Variants in ZKSCAN8 observed in about 807,000 individuals in gnomAD.
ZKSCAN8 encodes the protein zinc finger with KRAB and SCAN domains 8, also known as zinc finger protein with KRAB and SCAN domains 8.
In ZKSCAN8, 27 loss-of-function variants were observed where a neutral mutation model predicts 57.2. That is an observed-to-expected ratio of 0.47 (90% CI 0.35 to 0.65). The LOEUF is 0.65. ZKSCAN8 is among the 30% of genes least tolerant of loss of function. ZKSCAN8 has a pLI of 0.01. For missense variants in ZKSCAN8, 597 were observed against 696.3 expected (o/e 0.86, Z 1.60); for synonymous variants, 214 against 248.7 (o/e 0.86, Z 1.31).
At chr6:28,151,964 G>T in intron 4 of ZKSCAN8, 28 bp downstream of exon 4, 1 of 1,606,266 alleles carries the variant, frequency 6.2e-7, no homozygotes, top group Non-Finnish European at 8.5e-7. Context: ...TCACTGAAAC[G>T]CCATAGCTGT....
Position 28,158,102 on chromosome 6 carries a change from T to C in ZKSCAN8, c.*4085T>C, listed in dbSNP as rs1240369727. The C allele has an allele frequency of 3.3e-5, 5 of 152,190 alleles. No homozygotes were observed. Among genetic ancestry groups the C allele is most frequent in the Non-Finnish European group, 7.3e-5 (5 of 68,030 alleles). 9.4% of individuals were successfully genotyped at this position (152,190 alleles called of 1,614,324 possible). A position where few individuals can be genotyped will look rare whatever the true frequency, so the allele number is the denominator to read the frequency against. On this transcript the variant is annotated 3_prime_UTR_variant, in exon 6 of 6. Coordinates refer to ENST00000330236, the MANE Select transcript of ZKSCAN8 (RefSeq NM_006298.4). Reference sequence around the variant, plus strand: ...GTTCTTAGACTCACCAGTGGACAAATAATAAGGCCTTTTTTTATTATTATT... The same window carrying C: ...GTTCTTAGACTCACCAGTGGACAAACAATAAGGCCTTTTTTTATTATTATT...
rs1581528398 is a variant in ZKSCAN8, at chr6:28,153,288, C to T, written c.1008C>T (p.Gly336=). 1 of 1,614,162 alleles carries T rather than the reference C, an allele frequency of 6.2e-7. No individual in the cohort carries two copies. Among genetic ancestry groups the T allele is most frequent in the Non-Finnish European group, 8.5e-7 (1 of 1,180,030 alleles). ...ECGKSFAQSS[G]LVRHWRIHTG... is the part of the protein sequence containing the mutation. Reference sequence around the variant, plus strand: ...GGAAAAGCTTTGCTCAGAGCTCAGGCCTTGTTCGCCACTGGAGAATCCACA... The same window carrying T: ...GGAAAAGCTTTGCTCAGAGCTCAGGTCTTGTTCGCCACTGGAGAATCCACA... Residue 336 remains glycine (G), a synonymous_variant, in exon 6 of 6, where the codon GGC becomes GGT. Coordinates refer to ENST00000330236, the MANE Select transcript of ZKSCAN8 (RefSeq NM_006298.4).
rs749183992 is a variant in ZKSCAN8, at chr6:28,148,499, A to G, written c.92A>G (p.His31Arg). The G allele has an allele frequency of 2.5e-6, 4 of 1,614,052 alleles. 1 individual carries two copies. The South Asian group carries it at 3.3e-5, about 13-fold the overall frequency. ...DLVIVKVEED[H>R]GWDQESSLHE... is the part of the protein sequence containing the mutation. ...GTAATCGTCAAGGTAGAGGAGGATC[A>G]TGGTTGGGACCAGGAATCTAGTCTG... Residue 31 changes from histidine (H) to arginine (R), a missense_variant, in exon 2 of 6, where the codon CAT becomes CGT. Transcript: ENST00000330236.
intron 1 of ZKSCAN8, 91 bp downstream of exon 1, chr6:28,142,120 AG>A (rs1765235754): frequency 6.6e-6 from 1 of 152,286 alleles, no homozygotes; most frequent in African/African-American, 2.4e-5. Flanking sequence ...GGGTCCGGAG[AG>A]GGGCCTGTGC....
In ZKSCAN8 at chr6:28,154,217, A is replaced by G. The variant is rs1765707247; in HGVS notation, c.*200A>G. On this transcript the variant is annotated 3_prime_UTR_variant, in exon 6 of 6. Coordinates refer to ENST00000330236, the MANE Select transcript of ZKSCAN8 (RefSeq NM_006298.4). ...AGGTTGATTAGCTTGACTGTCTTTG[A>G]AAGTATCTGATGGAGCTCCTGATGA... The G allele has an allele frequency of 3.1e-6, 2 of 646,806 alleles. No individual in the cohort carries two copies. Among genetic ancestry groups the G allele is most frequent in the Non-Finnish European group, 5.0e-6 (2 of 403,006 alleles). The allele number at this position is 646,806 out of a possible 1,614,324, so 40.1% of individuals were successfully genotyped here. A position where few individuals can be genotyped will look rare whatever the true frequency, so the allele number is the denominator to read the frequency against.
Position 28,156,174 on chromosome 6 carries a change from TACACAC to T in ZKSCAN8, c.*2168_*2173del, listed in dbSNP as rs146825871. On this transcript the variant is annotated 3_prime_UTR_variant, in exon 6 of 6. Coordinates refer to ENST00000330236, the MANE Select transcript of ZKSCAN8 (RefSeq NM_006298.4). ...ATATGTGTATGTACACATGTGTATG[TACACAC>T]ACACACACACCTGCCATACACTTTA... 8.1e-6 allele frequency: 3 copies of T among 371,332 alleles called. No individual in the cohort carries two copies. Among genetic ancestry groups the T allele is most frequent in the Non-Finnish European group, 1.4e-5 (3 of 209,130 alleles). The allele number at this position is 371,332 out of a possible 1,614,324, so 23.0% of individuals were successfully genotyped here. A position where few individuals can be genotyped will look rare whatever the true frequency, so the allele number is the denominator to read the frequency against.
Position 28,153,081 on chromosome 6 carries a change from G to C in ZKSCAN8, c.801G>C (p.Arg267Ser). 1 of 1,614,064 alleles carries C rather than the reference G, an allele frequency of 6.2e-7. No individual in the cohort carries two copies. The highest frequency in any genetic ancestry group is 8.5e-7 in the Non-Finnish European group (1 of 1,180,006). ...GTGGTGAGACCAGGAGTGAGAACAG[G>C]GAATTAGCTTCAAAACAGGTAATAT... ...SLGGETRSEN[R>S]ELASKQVIST... is the part of the protein sequence containing the mutation. Residue 267 changes from arginine to serine, a missense_variant, in exon 6 of 6, where the codon AGG becomes AGC. Coordinates refer to ENST00000330236, the MANE Select transcript of ZKSCAN8 (RefSeq NM_006298.4).
At chr6:28,153,028 A>G (rs1033598910) in intron 5 of ZKSCAN8, 28 bp from the exon 6 acceptor site, 10 of 1,608,328 alleles carry the variant, frequency 6.2e-6, no homozygotes, top group African/African-American at 1.3e-5. Context: ...CATTGGCTTG[A>G]TGTTTGTTTA....
chr6:28,151,872 G>T lies in ZKSCAN8; in HGVS notation c.587G>T (p.Arg196Leu). The change falls in exon 4 of 6, where the codon CGT (arginine) becomes CTT (leucine). Residue 196 changes from arginine (R) to leucine (L), a missense_variant. Coordinates refer to ENST00000330236, the MANE Select transcript of ZKSCAN8 (RefSeq NM_006298.4). ...RAMSTSQSPT[R>L]SQKGSSGDQE... ...ATGTCTACTTCCCAGAGTCCTACTC[G>T]TTCCCAGAAAGGAAGTTCTGGAGAC... 3 of 1,614,106 alleles carry T rather than the reference G, an allele frequency of 1.9e-6. No individual in the cohort carries two copies. The highest frequency in any genetic ancestry group is 2.5e-6 in the Non-Finnish European group (3 of 1,180,016).
chr6:28,146,184 A>C (rs1248254598), intron 1 of ZKSCAN8, among the ~76,000 whole-genome samples: 1 of 152,224 alleles, frequency 6.6e-6, no homozygotes, highest in Non-Finnish European at 1.5e-5. Context: ...CTGTGTTTGC[A>C]ATTGTAAATA....
In ZKSCAN8 at chr6:28,158,481, T is replaced by G. The variant is rs1765859515; in HGVS notation, c.*4464T>G. The G allele has an allele frequency of 6.6e-6, 1 of 152,202 alleles. No individual in the cohort carries two copies. The highest frequency in any genetic ancestry group is 1.5e-5 in the Non-Finnish European group (1 of 68,030). The allele number at this position is 152,202 out of a possible 1,614,324, so 9.4% of individuals were successfully genotyped here. A position where few individuals can be genotyped will look rare whatever the true frequency, so the allele number is the denominator to read the frequency against. On this transcript the variant is annotated 3_prime_UTR_variant, in exon 6 of 6. Coordinates refer to ENST00000330236, the MANE Select transcript of ZKSCAN8 (RefSeq NM_006298.4). ...ATATCCCCAGCCCCCGTTTTCTTTT[T>G]AAACAGGCCTCATTGCGTAATTCCT...
chr6:28,157,164 T>C lies in ZKSCAN8; in HGVS notation c.*3147T>C, dbSNP rs1343827798. 1 of 152,424 alleles carries C rather than the reference T, an allele frequency of 6.6e-6. No homozygotes were observed. The highest frequency in any genetic ancestry group is 1.9e-4 in the East Asian group (1 of 5,204). The allele number at this position is 152,424 out of a possible 1,614,324, so 9.4% of individuals were successfully genotyped here. On this transcript the variant is annotated 3_prime_UTR_variant, in exon 6 of 6. Transcript: ENST00000330236. The stretch of plus-strand genomic sequence containing the variant: ...AGGCAAGGAGGAGCAAATCATGTCT[T>C]ATACATGGATGGCAGCAGGCAAAGA...
In ZKSCAN8 at chr6:28,143,424, C is replaced by T. The variant is rs149450259; in HGVS notation, c.-93+1395C>T. Among the ~76,000 whole-genome samples the T allele has an allele frequency of 1.3e-3, 204 of 152,246 alleles. 7 individuals carry two copies. In the South Asian group the frequency reaches 0.034, roughly 25 times the overall value. ...GTTTTCATCAGTGTTGTTATTGAGA[C>T]TTTTTAATACCACATCAACAATATA... On this transcript the variant is annotated intron_variant, in intron 1 of 5. Coordinates refer to ENST00000330236, the MANE Select transcript of ZKSCAN8 (RefSeq NM_006298.4).
In ZKSCAN8 at chr6:28,151,924, A is replaced by C; in HGVS notation, c.639A>C (p.Thr213=). ...GDQEMTATLL[T]AGFQTLEKIE... is the part of the protein sequence containing the mutation. ...AGGAAATGACAGCTACACTTCTCAC[A>C]GCAGGGTTCCAGGTGAGTTGTGCTC... Residue 213 remains threonine, a synonymous_variant, in exon 4 of 6, where the codon ACA becomes ACC. Transcript: ENST00000330236. 1 of 1,614,126 alleles carries C rather than the reference A, an allele frequency of 6.2e-7. No homozygotes were observed. The highest frequency in any genetic ancestry group is 8.5e-7 in the Non-Finnish European group (1 of 1,179,996).
intron 1 of ZKSCAN8, among the ~76,000 whole-genome samples, chr6:28,145,179 G>A (rs1167667985): frequency 6.6e-6 from 1 of 152,100 alleles, no homozygotes; most frequent in South Asian, 2.1e-4. Flanking sequence ...AGGATCCCTG[G>A]CCTCTATGTA....
Position 28,153,579 on chromosome 6 carries a change from C to T in ZKSCAN8, c.1299C>T (p.Pro433=), listed in dbSNP as rs529601335. 2.3e-5 allele frequency: 37 copies of T among 1,613,790 alleles called. No individual in the cohort carries two copies. The South Asian group carries it at 3.2e-4, about 14-fold the overall frequency. Residue 433 remains proline, a synonymous_variant, in exon 6 of 6, where the codon CCC becomes CCT. Transcript: ENST00000330236. ...AGAGAATCCACAGTGGAGAGAGACC[C>T]TATGAATGTAATGAGTGTGGGAAAG... ...LHQRIHSGER[P]YECNECGKAF...
chr6:28,147,936 G>A lies in ZKSCAN8; in HGVS notation c.-92-380G>A, dbSNP rs914905032. ...AGTAAGGGAAAGGTTGAGAGCTGAA[G>A]CGTGTAGAACCAGATTAGTACAGCT... On this transcript the variant is annotated intron_variant, in intron 1 of 5. Transcript: ENST00000330236. Among the ~76,000 whole-genome samples the A allele has an allele frequency of 4.6e-5, 7 of 152,344 alleles. No individual in the cohort carries two copies. In the South Asian group the frequency reaches 1.2e-3, roughly 27 times the overall value.
intron 1 of ZKSCAN8, among the ~76,000 whole-genome samples, chr6:28,145,267 TG>T (rs1765354108): frequency 6.6e-6 from 1 of 152,026 alleles, no homozygotes; most frequent in Non-Finnish European, 1.5e-5. Context: ...GTCCCTGGGA[TG>T]GGGGTAAGGA....
At position 28,158,617 on chromosome 6, in the gene ZKSCAN8, CAGTTT is replaced by C. The variant is rs1280638798; in HGVS notation, c.*4601_*4605del. The stretch of plus-strand genomic sequence containing the variant: ...ACTTGCTGTCAGTCCAGTTTTTAAT[CAGTTT>C]TCTCCTTGAGGCTTGATCTCCCATT... On this transcript the variant is annotated 3_prime_UTR_variant, in exon 6 of 6. Coordinates refer to ENST00000330236, the MANE Select transcript of ZKSCAN8 (RefSeq NM_006298.4). 5 of 152,180 alleles carry C rather than the reference CAGTTT, an allele frequency of 3.3e-5. No individual in the cohort carries two copies. Among genetic ancestry groups the C allele is most frequent in the Non-Finnish European group, 1.5e-5 (1 of 68,038 alleles). 9.4% of individuals were successfully genotyped at this position (152,180 alleles called of 1,614,324 possible).
Sources: gnomAD v4.1 joint callset for allele counts (sites outside exome capture counted in the v4.1 genomes callset) on GRCh38, gnomAD v4.1.1 for gene constraint, MANE v1.5 for transcripts, NCBI Gene and HGNC (gene_info 2026-07-23, HGNC 2026-07-21) for gene names.